CAST: variants seen among roughly 807,000 people sequenced by gnomAD.
The protein encoded by CAST is MIR583 host.
In CAST, 76 loss-of-function variants were observed where a neutral mutation model predicts 119.6. The observed-to-expected ratio is 0.64, with a 90% CI of 0.53 to 0.77. CAST has a LOEUF of 0.77. Among genes scored for constraint, CAST ranks in the 30% least tolerant of loss-of-function variants. The pLI is 0.00. For synonymous variants in CAST, 319 were observed against 331.6 expected, an observed-to-expected ratio of 0.96 and a Z score of 0.41; for missense variants, 953 against 946.5, an observed-to-expected ratio of 1.01 and a Z score of -0.09.
At position 96,736,179 on chromosome 5, in the gene CAST, A is replaced by G. The variant is rs1051382626; in HGVS notation, c.638A>G (p.Glu213Gly). ...ISGKPGDKKK[E>G]KKSLTPAVPV... The stretch of plus-strand genomic sequence containing the variant: ...TTTCTCAATTCTCACCAGAAAAAAG[A>G]AAAGAAATCATTAACCCCAGCTGTG... The change falls in exon 10 of 32, where the codon GAA (glutamate) becomes GGA (glycine). Residue 213 changes from glutamate (E) to glycine (G), a missense_variant. Physicochemically the swap from Glu to Gly is moderately conservative, Grantham distance 98 (BLOSUM62 -2). Transcript: ENST00000675179. 1 of 1,610,414 alleles carries G rather than the reference A, an allele frequency of 6.2e-7. No individual in the cohort carries two copies. Among genetic ancestry groups the G allele is most frequent in the Non-Finnish European group, 8.5e-7 (1 of 1,177,682 alleles).
At chr5:96,383,868 A>G in the CAST span, among the ~76,000 whole-genome samples, 2 of 152,226 alleles carry the variant, frequency 1.3e-5, no homozygotes, top group Non-Finnish European at 2.9e-5. Flanking sequence ...AGAAGATGGC[A>G]GTGTGGACCA....
the CAST span, among the ~76,000 whole-genome samples, chr5:96,295,612 G>T: frequency 1.3e-5 from 2 of 152,078 alleles, no homozygotes; most frequent in African/African-American, 2.4e-5. Context: ...AAATATGTTC[G>T]TATCGACCTA....
At chr5:96,080,668 G>A in the CAST span, among the ~76,000 whole-genome samples, 1 of 152,170 alleles carries the variant, frequency 6.6e-6, no homozygotes, top group African/African-American at 2.4e-5. Context: ...CCTGATTTAT[G>A]TGGCTTAGAC....
At chr5:96,492,187 G>C in the CAST span, among the ~76,000 whole-genome samples, 2 of 152,180 alleles carry the variant, frequency 1.3e-5, no homozygotes, top group African/African-American at 4.8e-5. Context: ...GCATTTTGTA[G>C]GAATCTTCAA....
the CAST span, among the ~76,000 whole-genome samples, chr5:96,182,010 T>A: frequency 6.6e-6 from 1 of 152,236 alleles, no homozygotes; most frequent in South Asian, 2.1e-4. Flanking sequence ...CAATAAGAGC[T>A]ATGTTAAATT....
the CAST span, among the ~76,000 whole-genome samples, chr5:96,241,820 G>A: frequency 3.3e-5 from 5 of 150,984 alleles, no homozygotes; most frequent in South Asian, 2.1e-4. Flanking sequence ...GCCAGTGATG[G>A]TGAGCATTTT....
At chr5:96,523,814 G>A, upstream of CAST, among the ~76,000 whole-genome samples, 1 of 152,180 alleles carries the variant, frequency 6.6e-6, no homozygotes, top group Non-Finnish European at 1.5e-5. Context: ...AGAAAGATGT[G>A]TCCCTTCTTG....
At chr5:96,174,963 A>C in the CAST span, among the ~76,000 whole-genome samples, 1 of 152,140 alleles carries the variant, frequency 6.6e-6, no homozygotes, top group Non-Finnish European at 1.5e-5. Context: ...GATATTAATA[A>C]TTTTTATCAA....
the CAST span, among the ~76,000 whole-genome samples, chr5:96,444,424 C>T: frequency 3.4e-4 from 52 of 152,284 alleles, no homozygotes; most frequent in Non-Finnish European, 7.4e-5. Flanking sequence ...GAATTATTCT[C>T]TCATTTTATC....
chr5:96,353,777 C>T, the CAST span, among the ~76,000 whole-genome samples: 41 of 151,398 alleles, frequency 2.7e-4, no homozygotes, highest in African/African-American at 9.3e-4. Context: ...ACATTACAAA[C>T]TTTCCTGGTT....
chr5:96,415,914 G>T, the CAST span: 1 of 721,350 alleles, frequency 1.4e-6, no homozygotes, highest in Non-Finnish European at 2.5e-6. Context: ...AGCAACTTTG[G>T]CATGGAACTA....
chr5:96,353,806 A>G, the CAST span, among the ~76,000 whole-genome samples: 21 of 151,676 alleles, frequency 1.4e-4, no homozygotes, highest in South Asian at 4.1e-3. Flanking sequence ...TGCAAACAGC[A>G]TGTGGTGAAT....
At chr5:96,005,957 GGTATT>G in the CAST span, among the ~76,000 whole-genome samples, 6 of 151,950 alleles carry the variant, frequency 3.9e-5, no homozygotes, top group Non-Finnish European at 8.8e-5. Flanking sequence ...TTAAAAATAA[GGTATT>G]GTATCTTGTT....
chr5:96,415,988 C>T, the CAST span: 4 of 1,201,226 alleles, frequency 3.3e-6, no homozygotes, highest in Non-Finnish European at 5.0e-6. Context: ...GTGATGTAAG[C>T]TTCACATTAA....
At chr5:96,253,040 C>A in the CAST span, among the ~76,000 whole-genome samples, 2 of 152,114 alleles carry the variant, frequency 1.3e-5, no homozygotes, top group Non-Finnish European at 2.9e-5. Context: ...GGGATCATAT[C>A]TCCTGTGTTC....
At chr5:96,070,778 C>T in the CAST span, among the ~76,000 whole-genome samples, 28 of 152,184 alleles carry the variant, frequency 1.8e-4, no homozygotes, top group African/African-American at 4.3e-4. Context: ...ATATAAATTT[C>T]GTAACCACCC....
chr5:96,163,344 G>T, the CAST span, among the ~76,000 whole-genome samples: 1 of 152,084 alleles, frequency 6.6e-6, no homozygotes, highest in African/African-American at 2.4e-5. Context: ...CCTTTTAAAA[G>T]AACCAACTTT....
chr5:96,199,722 G>T, the CAST span, among the ~76,000 whole-genome samples: 2 of 152,122 alleles, frequency 1.3e-5, no homozygotes, highest in Non-Finnish European at 2.9e-5. Flanking sequence ...TTTTGTTGTT[G>T]TTAGAAAACT....
At chr5:96,499,727 C>T in the CAST span, among the ~76,000 whole-genome samples, 4 of 152,174 alleles carry the variant, frequency 2.6e-5, no homozygotes, top group African/African-American at 7.2e-5. Flanking sequence ...TCCTCTCGAA[C>T]CCTGCTGCTG....
Sources: gnomAD v4.1 joint callset for allele counts (sites outside exome capture counted in the v4.1 genomes callset) on GRCh38, gnomAD v4.1.1 for gene constraint, MANE v1.5 for transcripts, NCBI Gene and HGNC (gene_info 2026-07-23, HGNC 2026-07-21) for gene names.